NMT2: variants seen among roughly 807,000 people sequenced by gnomAD.
The protein encoded by NMT2 is N-myristoyltransferase 2.
A neutral mutation model predicts 65.4 loss-of-function variants in NMT2; 35 were observed. The observed-to-expected ratio is 0.54, with a 90% CI of 0.41 to 0.71. NMT2 has a LOEUF of 0.71. Ranked by LOEUF, NMT2 falls within the 30% of genes least tolerant of loss-of-function variation. NMT2 has a pLI of 0.00. For missense variants in NMT2, 489 were observed against 611.3 expected, an observed-to-expected ratio of 0.80 and a Z score of 2.11; for synonymous variants, 226 against 231.8, an observed-to-expected ratio of 0.98 and a Z score of 0.23.
intron 2 of NMT2, among the ~76,000 whole-genome samples, chr10:15,136,997 C>T (rs1193035193): frequency 2.0e-5 from 3 of 152,126 alleles, no homozygotes; most frequent in Admixed American, 6.6e-5. Context: ...GAATATTCTT[C>T]GCTGTAATTC....
chr10:15,143,629 G>A (rs994747600), intron 1 of NMT2, among the ~76,000 whole-genome samples: 3 of 152,242 alleles, frequency 2.0e-5, no homozygotes, highest in African/African-American at 7.2e-5. Flanking sequence ...GTCCAAGGCG[G>A]GAAGATCGCT....
At chr10:15,165,116 T>C (rs1023747156) in intron 1 of NMT2, among the ~76,000 whole-genome samples, 1 of 149,952 alleles carries the variant, frequency 6.7e-6, no homozygotes, top group African/African-American at 2.5e-5. Context: ...TGCGCCAAGA[T>C]CGTACTATTG....
chr10:15,108,107 T>C lies in NMT2; in HGVS notation c.*1088A>G. The C allele has an allele frequency of 2.0e-6, 2 of 985,476 alleles. No individual in the cohort carries two copies. Among genetic ancestry groups the C allele is most frequent in the Non-Finnish European group, 2.4e-6 (2 of 829,908 alleles). 61.0% of individuals were successfully genotyped at this position (985,476 alleles called of 1,614,324 possible). On this transcript the variant is annotated 3_prime_UTR_variant, in exon 12 of 12. Coordinates refer to ENST00000378165, the MANE Select transcript of NMT2 (RefSeq NM_004808.3). ...ACAGTTTTTTATTTCCTTTTCTTCA[T>C]ATATCCTTGATGTTGCTGAGAAGAA...
At chr10:15,149,401 C>T (rs1847080195) in intron 1 of NMT2, among the ~76,000 whole-genome samples, 1 of 88 alleles carries the variant, frequency 0.011, no homozygotes, top group Non-Finnish European at 0.05. Flanking sequence ...CCATTGCCAT[C>T]ACCACCATCA....
chr10:15,158,121 T>C (rs1833062084), intron 1 of NMT2, among the ~76,000 whole-genome samples: 1 of 152,046 alleles, frequency 6.6e-6, no homozygotes. Flanking sequence ...TTCAAGACCA[T>C]CCTGGCCAAC....
At chr10:15,123,502 C>T (rs75102379) in intron 8 of NMT2, among the ~76,000 whole-genome samples, 4,885 of 143,666 alleles carry the variant, frequency 0.034, 146 homozygotes, top group African/African-American at 0.074. Context: ...GCACTCCAGC[C>T]TGGCGACAAA....
At chr10:15,166,136 G>A (rs543908665) in intron 1 of NMT2, among the ~76,000 whole-genome samples, 2 of 152,058 alleles carry the variant, frequency 1.3e-5, no homozygotes, top group East Asian at 3.9e-4. Context: ...ACTCTAATTG[G>A]GTATTTTCCT....
chr10:15,164,493 A>G (rs1490014060), intron 1 of NMT2, among the ~76,000 whole-genome samples: 1 of 152,218 alleles, frequency 6.6e-6, no homozygotes, highest in Non-Finnish European at 1.5e-5. Flanking sequence ...CCAACAATGG[A>G]CCATAACATT....
intron 1 of NMT2, among the ~76,000 whole-genome samples, chr10:15,144,208 C>T (rs750373948): frequency 2.6e-5 from 4 of 152,098 alleles, no homozygotes; most frequent in Non-Finnish European, 4.4e-5. Flanking sequence ...TTCATCTCAA[C>T]TTTAAATTGA....
At chr10:15,120,709 C>A (rs1784193534) in intron 8 of NMT2, among the ~76,000 whole-genome samples, 1 of 152,102 alleles carries the variant, frequency 6.6e-6, no homozygotes, top group African/African-American at 2.4e-5. Context: ...TTCTCTTGAA[C>A]AAAAATGATA....
chr10:15,153,775 G>C (rs1460944306), intron 1 of NMT2, among the ~76,000 whole-genome samples: 1 of 151,804 alleles, frequency 6.6e-6, no homozygotes, highest in African/African-American at 2.4e-5. Flanking sequence ...TCAGCCTCCT[G>C]AGTAGCTGGG....
chr10:15,110,942 C>T (rs1845492306), intron 10 of NMT2, among the ~76,000 whole-genome samples: 2 of 152,034 alleles, frequency 1.3e-5, no homozygotes, highest in Admixed American at 6.5e-5. Flanking sequence ...AGGTGTGCAC[C>T]TCCATGCCCA....
chr10:15,127,222 G>A (rs536902057), intron 8 of NMT2, among the ~76,000 whole-genome samples: 22 of 149,604 alleles, frequency 1.5e-4, no homozygotes, highest in East Asian at 1.4e-3. Flanking sequence ...GTAACAGAGC[G>A]AGACTCTGTC....
chr10:15,119,917 T>A (rs180846562), intron 8 of NMT2, among the ~76,000 whole-genome samples: 95 of 152,292 alleles, frequency 6.2e-4, no homozygotes, highest in Non-Finnish European at 6.0e-4. Flanking sequence ...GTCTACATGA[T>A]GGGACATAGC....
At position 15,129,813 on chromosome 10, in the gene NMT2, G is replaced by A. The variant is rs868655219; in HGVS notation, c.890+329C>T. Among the ~76,000 whole-genome samples, 16 of 151,244 alleles carry A rather than the reference G, an allele frequency of 1.1e-4. No individual in the cohort carries two copies. In the Middle Eastern group the frequency reaches 0.014, roughly 130 times the overall value. ...AATCCCAGCTACTCGGGAAGCTGAG[G>A]CAGGAGAATCACTTGAACCCAGGAG... On this transcript the variant is annotated intron_variant, in intron 7 of 11. Coordinates refer to ENST00000378165, the MANE Select transcript of NMT2 (RefSeq NM_004808.3).
chr10:15,161,255 G>C (rs11259524), intron 1 of NMT2, among the ~76,000 whole-genome samples: 8 of 151,998 alleles, frequency 5.3e-5, no homozygotes, highest in Admixed American at 3.3e-4. Context: ...GGCATTTTCA[G>C]ACATGCAAGA....
At chr10:15,122,545 A>G (rs1691595883) in intron 8 of NMT2, among the ~76,000 whole-genome samples, 1 of 151,726 alleles carries the variant, frequency 6.6e-6, no homozygotes, top group Non-Finnish European at 1.5e-5. Flanking sequence ...TCAGCTTCCC[A>G]AGTAGCTAGG....
At chr10:15,163,277 C>T (rs1319472637) in intron 1 of NMT2, among the ~76,000 whole-genome samples, 1 of 152,100 alleles carries the variant, frequency 6.6e-6, no homozygotes, top group African/African-American at 2.4e-5. Context: ...AAGAAAACAA[C>T]AATCAATTTC....
In NMT2 at chr10:15,108,477, G is replaced by A. The variant is rs113630233; in HGVS notation, c.*718C>T. The A allele has an allele frequency of 3.5e-3, 3,411 of 984,864 alleles. 4 individuals carry two copies. Among genetic ancestry groups the A allele is most frequent in the Non-Finnish European group, 3.8e-3 (3,148 of 829,430 alleles). The allele number at this position is 984,864 out of a possible 1,614,324, so 61.0% of individuals were successfully genotyped here. A position where few individuals can be genotyped will look rare whatever the true frequency, so the allele number is the denominator to read the frequency against. ...TGGGATTACAGGCGTGAGCCACCAC[G>A]CCCGGCCTCAGGCTCTTTCAGAGAG... On this transcript the variant is annotated 3_prime_UTR_variant, in exon 12 of 12. Transcript: ENST00000378165.
Sources: allele counts gnomAD v4.1 joint callset (sites outside exome capture counted in the v4.1 genomes callset), GRCh38; gene constraint gnomAD v4.1.1; transcripts MANE v1.5; gene names NCBI Gene and HGNC (gene_info 2026-07-23, HGNC 2026-07-21).